CDK5RAP2: variants seen among roughly 807,000 people sequenced by gnomAD.
CDK5RAP2 encodes CDK5 regulatory subunit-associated protein 2.
CDK5RAP2 carries 147 observed loss-of-function variants against 232.9 expected under a neutral mutation model. The ratio of observed to expected loss-of-function variants is 0.63; its 90% CI spans 0.55 to 0.72. The LOEUF is 0.72. CDK5RAP2 is among the 30% of genes least tolerant of loss of function. The pLI is 0.00. For missense variants in CDK5RAP2, 2,195 were observed against 2,231.5 expected, an observed-to-expected ratio of 0.98 and a Z score of 0.33; for synonymous variants, 833 against 833.7, an observed-to-expected ratio of 1.00 and a Z score of 0.01.
chr9:120,498,492 T>C (rs1011170697), intron 12 of CDK5RAP2, among the ~76,000 whole-genome samples: 1 of 152,190 alleles, frequency 6.6e-6, no homozygotes, highest in African/African-American at 2.4e-5. Context: ...ATGTGGATCC[T>C]TCATGAGATC....
Position 120,477,360 on chromosome 9 carries a change from C to G in CDK5RAP2, c.1717G>C (p.Glu573Gln). Residue 573 changes from glutamate to glutamine, a missense_variant, in exon 15 of 38, where the codon GAA (glutamate) becomes CAA (glutamine). Glu to Gln is a conservative substitution (Grantham distance 29, BLOSUM62 2). Coordinates refer to ENST00000349780, the MANE Select transcript of CDK5RAP2 (RefSeq NM_018249.6). ...GACAGAAACGCTTACCTGTCTGATT[C>G]CTGCAGAGATTTGACCAGATGGGTA... is the stretch of plus-strand genomic sequence containing the variant. Reference protein sequence around the residue: ...IYTHLVKSLQESDSINNLQAE... With the variant: ...IYTHLVKSLQQSDSINNLQAE... 1.9e-6 allele frequency: 3 copies of G among 1,613,004 alleles called. No individual in the cohort carries two copies. Among genetic ancestry groups the G allele is most frequent in the Non-Finnish European group, 2.5e-6 (3 of 1,179,264 alleles).
intron 5 of CDK5RAP2, 34 bp downstream of exon 5, chr9:120,545,680 G>C (rs370066312): frequency 2.6e-6 from 4 of 1,546,786 alleles, no homozygotes; most frequent in Non-Finnish European, 3.6e-6. Flanking sequence ...CAGTGTGGGC[G>C]ACTTGCAAGC....
intron 8 of CDK5RAP2, 151 bp from the exon 9 acceptor site, chr9:120,528,948 C>A: frequency 1.5e-6 from 1 of 669,468 alleles, no homozygotes; most frequent in Non-Finnish European, 2.7e-6. Context: ...TCTCTCCACC[C>A]CACCCAAAGC....
In CDK5RAP2 at chr9:120,477,354, C is replaced by G; in HGVS notation, c.1723G>C (p.Asp575His). 1 of 1,612,426 alleles carries G rather than the reference C, an allele frequency of 6.2e-7. No homozygotes were observed. Among genetic ancestry groups the G allele is most frequent in the Non-Finnish European group, 8.5e-7 (1 of 1,178,790 alleles). ...TGTCCAGACAGAAACGCTTACCTGT[C>G]TGATTCCTGCAGAGATTTGACCAGA... ...THLVKSLQES[D>H]SINNLQAELN... The change falls in exon 15 of 38, where the codon GAC becomes CAC. Residue 575 changes from aspartate to histidine, a missense_variant. Physicochemically the swap from Asp to His is moderately conservative, Grantham distance 81. Coordinates refer to ENST00000349780, the MANE Select transcript of CDK5RAP2 (RefSeq NM_018249.6).
chr9:120,495,652 T>TG (rs1564297277), intron 12 of CDK5RAP2, among the ~76,000 whole-genome samples: 3 of 67,956 alleles, frequency 4.4e-5, no homozygotes, highest in Admixed American at 1.1e-4. Context: ...GGGAGGGAGG[T>TG]GGGGGGGGGT....
At position 120,530,044 on chromosome 9, in the gene CDK5RAP2, A is replaced by G; in HGVS notation, c.759T>C (p.Asn253=). 6.2e-7 allele frequency: 1 copy of G among 1,613,524 alleles called. No homozygotes were observed. Among genetic ancestry groups the G allele is most frequent in the Non-Finnish European group, 8.5e-7 (1 of 1,179,450 alleles). The change falls in exon 8 of 38, where the codon AAT becomes AAC. Residue 253 remains asparagine (N), a synonymous_variant. Coordinates refer to ENST00000349780, the MANE Select transcript of CDK5RAP2 (RefSeq NM_018249.6). The stretch of plus-strand genomic sequence containing the variant: ...GTCCTCGGAGCTCTCCAGATGACAC[A>G]TTCTCATCAGGACATGCCATCTGAG... ...EKSQMACPDE[N]VSSGELRGLC...
At chr9:120,562,413 T>C (rs1195642176) in intron 3 of CDK5RAP2, among the ~76,000 whole-genome samples, 1 of 152,132 alleles carries the variant, frequency 6.6e-6, no homozygotes, top group Non-Finnish European at 1.5e-5. Flanking sequence ...TTAACACTTT[T>C]ACCCCAACAG....
chr9:120,558,996 T>A (rs893245299), intron 3 of CDK5RAP2, among the ~76,000 whole-genome samples: 1 of 152,216 alleles, frequency 6.6e-6, no homozygotes, highest in Non-Finnish European at 1.5e-5. Flanking sequence ...AATTGTTAAA[T>A]GAGTGAACAA....
chr9:120,551,729 T>C (rs1318272619), intron 3 of CDK5RAP2, among the ~76,000 whole-genome samples: 2 of 152,184 alleles, frequency 1.3e-5, no homozygotes, highest in African/African-American at 4.8e-5. Flanking sequence ...CTAAGTACAA[T>C]AGAATCTTGA....
At chr9:120,424,421 T>C (rs1214786502) in intron 25 of CDK5RAP2, among the ~76,000 whole-genome samples, 2 of 152,224 alleles carry the variant, frequency 1.3e-5, no homozygotes, top group Non-Finnish European at 2.9e-5. Flanking sequence ...AATCCAAACC[T>C]GACTGAGTCA....
At position 120,525,006 on chromosome 9, in the gene CDK5RAP2, C is replaced by T. The variant is rs138995980; in HGVS notation, c.1072G>A (p.Ala358Thr). Residue 358 changes from alanine to threonine, a missense_variant, in exon 11 of 38, where the codon GCA becomes ACA. Coordinates refer to ENST00000349780, the MANE Select transcript of CDK5RAP2 (RefSeq NM_018249.6). The stretch of plus-strand genomic sequence containing the variant: ...CTTACCTGAAATTCCTGGGTCTGTG[C>T]TTTCTGTAGGGCCTCTCTGGCTTTA... ...FAKAREALQKAQTQEFQGSED... is the reference protein window; with the variant it reads ...FAKAREALQKTQTQEFQGSED... 79 of 1,613,956 alleles carry T rather than the reference C, an allele frequency of 4.9e-5. 1 individual carries two copies. The African/African-American group carries it at 8.9e-4, about 18-fold the overall frequency.
chr9:120,491,193 A>G (rs2038885620), intron 13 of CDK5RAP2, 114 bp downstream of exon 13: 6 of 846,706 alleles, frequency 7.1e-6, no homozygotes, highest in Admixed American at 2.1e-5. Flanking sequence ...GCTCTAAAGT[A>G]TTCTGAAACA....
rs527828479 is a variant in CDK5RAP2, at chr9:120,510,497, G to A, written c.1311+7930C>T. The stretch of plus-strand genomic sequence containing the variant: ...ACCCACCCTGAGTAGAATACCAAGC[G>A]CCTGAACCAGAGAGAGTGCACCTAA... On this transcript the variant is annotated intron_variant, in intron 12 of 37. Coordinates refer to ENST00000349780, the MANE Select transcript of CDK5RAP2 (RefSeq NM_018249.6). Among the ~76,000 whole-genome samples the A allele has an allele frequency of 1.5e-4, 23 of 152,244 alleles. 1 individual carries two copies. The South Asian group carries it at 4.4e-3, about 29-fold the overall frequency.
rs775112307 is a variant in CDK5RAP2 at position 120,536,358 on chromosome 9, G to A, written c.662+14C>T. ...TAATGTGATGTCAGGGTATGACAGG[G>A]ACAAGAGCCAGACCTGTCTTTCTCA... On this transcript the variant is annotated intron_variant, in intron 7 of 37. Transcript: ENST00000349780. The A allele has an allele frequency of 2.5e-6, 4 of 1,613,598 alleles. No individual in the cohort carries two copies. Among genetic ancestry groups the A allele is most frequent in the East Asian group, 2.2e-5 (1 of 44,892 alleles).
Position 120,408,380 on chromosome 9 carries a change from C to T in CDK5RAP2, c.4693G>A (p.Glu1565Lys). 1.9e-6 allele frequency: 3 copies of T among 1,614,170 alleles called. No homozygotes were observed. The highest frequency in any genetic ancestry group is 2.2e-5 in the South Asian group (2 of 91,078). Residue 1565 changes from glutamate (E) to lysine (K), a missense_variant, in exon 31 of 38, where the codon GAG becomes AAG. Glu to Lys is a moderately conservative substitution (Grantham distance 56). Coordinates refer to ENST00000349780, the MANE Select transcript of CDK5RAP2 (RefSeq NM_018249.6). Reference protein sequence around the residue: ...QSLRVELKAYEKLDEEHRRLR... With the variant: ...QSLRVELKAYKKLDEEHRRLR... The stretch of plus-strand genomic sequence containing the variant: ...CTCCTGTGCTCTTCATCCAGCTTCT[C>T]ATACGCCTTCAGCTCCACTCGGAGA...
At chr9:120,538,922 A>G (rs1351717520) in intron 6 of CDK5RAP2, 119 bp downstream of exon 6, 5 of 1,079,816 alleles carry the variant, frequency 4.6e-6, no homozygotes, top group African/African-American at 3.1e-5. Context: ...GAGATGCTCA[A>G]TAAGGGTAGC....
At chr9:120,502,812 A>G (rs1210641511) in intron 12 of CDK5RAP2, among the ~76,000 whole-genome samples, 2 of 152,152 alleles carry the variant, frequency 1.3e-5, no homozygotes, top group Non-Finnish European at 2.9e-5. Flanking sequence ...AACCTTGGGG[A>G]AAGTTAGGAT....
rs1325626282 is a variant in CDK5RAP2, at chr9:120,453,788, C to T, written c.2461G>A (p.Gly821Ser). 6.2e-7 allele frequency: 1 copy of T among 1,614,170 alleles called. No homozygotes were observed. Among genetic ancestry groups the T allele is most frequent in the South Asian group, 1.1e-5 (1 of 91,082 alleles). ...EQEVSGEHLD[G>S]KTEKTPKQKG... is the part of the protein sequence containing the mutation. ...TGCTTAGGTGTCTTCTCAGTTTTAC[C>T]ATCAAGGTGTTCTCCAGAAACTTCC... Residue 821 changes from glycine (G) to serine (S), a missense_variant, in exon 21 of 38, where the codon GGT becomes AGT. Gly to Ser is a moderately conservative substitution (Grantham distance 56). Coordinates refer to ENST00000349780, the MANE Select transcript of CDK5RAP2 (RefSeq NM_018249.6).
intron 2 of CDK5RAP2, among the ~76,000 whole-genome samples, chr9:120,570,888 G>A (rs1326737703): frequency 6.7e-6 from 1 of 149,724 alleles, no homozygotes; most frequent in African/African-American, 2.5e-5. Flanking sequence ...GCCAATGAGT[G>A]CAGTGGCTCA....
Sources: allele counts gnomAD v4.1 joint callset (sites outside exome capture counted in the v4.1 genomes callset), GRCh38; gene constraint gnomAD v4.1.1; transcripts MANE v1.5; gene names NCBI Gene and HGNC (gene_info 2026-07-23, HGNC 2026-07-21).